The following GAGE10 variants were observed in gnomAD, a reference collection of about 807,000 sequenced individuals.
GAGE10 encodes the protein G antigen 10.
A neutral mutation model predicts 11.5 loss-of-function variants in GAGE10; 9 were observed. That is an observed-to-expected ratio of 0.78 (90% confidence interval 0.47 to 1.37). The LOEUF (loss-of-function observed/expected upper bound fraction) is 1.37, where lower values mean the gene tolerates loss of function less well. Ranked by LOEUF, GAGE10 falls within the 40% of genes most tolerant of loss-of-function variation. The pLI, the probability that GAGE10 is intolerant of heterozygous loss-of-function variation, is 0.00. For synonymous variants in GAGE10, 23 were observed against 29.7 expected, an observed-to-expected ratio of 0.77 and a Z score of 0.73; for missense variants, 83 against 92.9, an observed-to-expected ratio of 0.89 and a Z score of 0.44.
intron 3 of GAGE10, among the ~76,000 whole-genome samples, chrX:49,308,229 A>C (rs782200865): frequency 8.9e-6 from 1 of 111,862 alleles, no homozygotes; most frequent in South Asian, 3.7e-4. Context: ...ATTCCTCCTC[A>C]ACCCCTCGGT....
At chrX:49,309,909 C>T (rs782416518) in intron 3 of GAGE10, among the ~76,000 whole-genome samples, 1 of 112,135 alleles carries the variant, frequency 8.9e-6, no homozygotes, top group South Asian at 3.7e-4. Context: ...ACGCCTCTTA[C>T]GAGGACAAAA....
chrX:49,314,895 A>G (rs1197839719), intron 3 of GAGE10, among the ~76,000 whole-genome samples: 1 of 112,397 alleles, frequency 8.9e-6, no homozygotes, highest in African/African-American at 3.2e-5. Context: ...AGCCTCAGCC[A>G]GTGTTTGGTT....
At chrX:49,317,343 A>G in intron 4 of GAGE10, 55 bp downstream of exon 4, 7 of 1,154,158 alleles carry the variant, frequency 6.1e-6, no homozygotes. Flanking sequence ...ACAGTATCGT[A>G]TCATAATTAT....
intron 3 of GAGE10, among the ~76,000 whole-genome samples, chrX:49,309,909 C>A (rs782416518): frequency 8.9e-6 from 1 of 112,080 alleles, no homozygotes; most frequent in Non-Finnish European, 1.9e-5. Context: ...ACGCCTCTTA[C>A]GAGGACAAAA....
intron 4 of GAGE10, among the ~76,000 whole-genome samples, chrX:49,317,731 G>C (rs1311120923): frequency 3.6e-4 from 40 of 111,172 alleles, no homozygotes; most frequent in African/African-American, 1.2e-3. Context: ...TTGAAACGTA[G>C]TTCAGGCCCC....
At chrX:49,316,581 C>G (rs782613529) in intron 3 of GAGE10, among the ~76,000 whole-genome samples, 2 of 111,457 alleles carry the variant, frequency 1.8e-5, no homozygotes, top group East Asian at 5.6e-4. Flanking sequence ...TGATAGAATT[C>G]CTTTTTCTGA....
intron 3 of GAGE10, among the ~76,000 whole-genome samples, chrX:49,314,194 C>T (rs1602729362): frequency 8.9e-6 from 1 of 112,220 alleles, no homozygotes; most frequent in African/African-American, 3.2e-5. Context: ...AGGATGCCCA[C>T]ATTGTGTACA....
At chrX:49,311,525 T>G (rs2066376324) in intron 3 of GAGE10, among the ~76,000 whole-genome samples, 1 of 111,824 alleles carries the variant, frequency 8.9e-6, no homozygotes, top group Admixed American at 9.5e-5. Flanking sequence ...AGTGGGATTC[T>G]GCCGAATCTG....
rs782720306 is a variant in GAGE10, at chrX:49,316,980, C to T, written c.203-183C>T. ...GAAAGGAAGAGGGTAATATTTGGAA[C>T]ACCTTGTTTTCCTGTTTTCTGCTAA... On this transcript the variant is annotated intron_variant, in intron 3 of 4. Coordinates refer to ENST00000407599, the MANE Select transcript of GAGE10 (RefSeq NM_001098413.4). 3.6e-5 allele frequency among the ~76,000 whole-genome samples: 4 copies of T among 111,170 alleles called. No individual in the cohort carries two copies. In the East Asian group the frequency reaches 1.1e-3, roughly 31 times the overall value.
At chrX:49,307,842 A>T (rs1602726530) in intron 3 of GAGE10, among the ~76,000 whole-genome samples, 2 of 111,538 alleles carry the variant, frequency 1.8e-5, no homozygotes, top group African/African-American at 6.5e-5. Context: ...ATGTAAGAAA[A>T]CCCAATTTCC....
At chrX:49,307,501 C>T (rs1215630606) in intron 3 of GAGE10, among the ~76,000 whole-genome samples, 6 of 105,300 alleles carry the variant, frequency 5.7e-5, no homozygotes, top group African/African-American at 1.4e-4. Flanking sequence ...TTTGTTGAGA[C>T]GGAGTCTCTC....
At chrX:49,311,135 T>C (rs1210592533) in intron 3 of GAGE10, among the ~76,000 whole-genome samples, 1 of 111,685 alleles carries the variant, frequency 9.0e-6, no homozygotes, top group Non-Finnish European at 1.9e-5. Flanking sequence ...ACAACCCCCC[T>C]GGACTTGCTG....
At chrX:49,313,496 A>G (rs11795807) in intron 3 of GAGE10, among the ~76,000 whole-genome samples, 36,229 of 110,790 alleles carry the variant, frequency 0.33, 5,334 homozygotes, top group Middle Eastern at 0.49. Context: ...CTTAGGAGAC[A>G]GATGCAGGCT....
chrX:49,304,734 G>A (rs781805464), intron 1 of GAGE10, 118 bp from the exon 2 acceptor site: 102 of 968,023 alleles, frequency 1.1e-4, no homozygotes, highest in Admixed American at 1.3e-4. Context: ...TTAACTCTGG[G>A]ACTTATTTTG....
intron 3 of GAGE10, among the ~76,000 whole-genome samples, chrX:49,312,360 A>C (rs1168611083): frequency 8.8e-6 from 1 of 113,210 alleles, no homozygotes; most frequent in Non-Finnish European, 1.9e-5. Context: ...TAATGATTCA[A>C]GATATGCTTT....
intron 3 of GAGE10, among the ~76,000 whole-genome samples, chrX:49,316,502 C>A (rs1557125246): frequency 9.0e-6 from 1 of 111,333 alleles, no homozygotes; most frequent in East Asian, 2.8e-4. Context: ...CTCCTCAACC[C>A]CTTGGTCTCT....
At chrX:49,307,011 A>T (rs1208627809) in intron 3 of GAGE10, among the ~76,000 whole-genome samples, 2 of 111,563 alleles carry the variant, frequency 1.8e-5, no homozygotes, top group African/African-American at 3.3e-5. Context: ...TACCATAATT[A>T]AAAAAAACCT....
At chrX:49,317,614 C>A (rs1569531616) in intron 4 of GAGE10, among the ~76,000 whole-genome samples, 2 of 106,267 alleles carry the variant, frequency 1.9e-5, no homozygotes, top group Non-Finnish European at 3.9e-5. Flanking sequence ...TTTGAAATTG[C>A]CAGGATTACA....
chrX:49,305,092 G>A (rs1204334164), intron 2 of GAGE10, 152 bp downstream of exon 2: 3 of 983,023 alleles, frequency 3.1e-6, no homozygotes, highest in Non-Finnish European at 4.1e-6. Flanking sequence ...TGATTCTGGA[G>A]AATTTTTTTT....
Sources: allele counts gnomAD v4.1 joint callset (sites outside exome capture counted in the v4.1 genomes callset), GRCh38; gene constraint gnomAD v4.1.1; transcripts MANE v1.5; gene names NCBI Gene and HGNC (gene_info 2026-07-23, HGNC 2026-07-21).